Variants in STAU2 observed in about 807,000 individuals in gnomAD.
STAU2 encodes staufen double-stranded RNA binding protein 2.
Under a neutral mutation model 65.9 loss-of-function variants are expected in STAU2, and 20 were observed. That is an observed-to-expected ratio of 0.30 (90% CI 0.21 to 0.44). STAU2 has a LOEUF of 0.44. Among genes scored for constraint, STAU2 ranks in the 20% least tolerant of loss-of-function variants. The pLI is 1.00. For missense variants in STAU2, 558 were observed against 683.9 expected, an observed-to-expected ratio of 0.82 and a Z score of 2.05; for synonymous variants, 232 against 233.9, an observed-to-expected ratio of 0.99 and a Z score of 0.07.
chr8:73,680,652 G>A (rs1352130546), intron 5 of STAU2, among the ~76,000 whole-genome samples: 1 of 152,038 alleles, frequency 6.6e-6, no homozygotes, highest in African/African-American at 2.4e-5. Flanking sequence ...CAGTAGGTCG[G>A]TTATTAAGCA....
chr8:73,713,150 A>T (rs1821012889), intron 3 of STAU2, among the ~76,000 whole-genome samples: 1 of 152,234 alleles, frequency 6.6e-6, no homozygotes, highest in African/African-American at 2.4e-5. Flanking sequence ...AACTTTGATA[A>T]GAAACACTGG....
Position 73,541,159 on chromosome 8 carries a change from C to T in STAU2, c.1530+10853G>A, listed in dbSNP as rs569084905. 7.9e-5 allele frequency among the ~76,000 whole-genome samples: 12 copies of T among 152,218 alleles called. No homozygotes were observed. The South Asian group carries it at 8.3e-4, about 11-fold the overall frequency. ...TCTGAATGCAGCTCAAATGATTGAA[C>T]GCTAAAGCTTTATAGGCCTGTAGTA... On this transcript the variant is annotated intron_variant, in intron 13 of 14. Transcript: ENST00000524300.
chr8:73,650,038 C>T (rs759719025), intron 6 of STAU2, among the ~76,000 whole-genome samples: 16 of 151,374 alleles, frequency 1.1e-4, no homozygotes, highest in South Asian at 2.1e-4. Flanking sequence ...TTAAGTAAAT[C>T]GCAGATTTTA....
chr8:73,515,287 T>C (rs1236665517), intron 13 of STAU2, among the ~76,000 whole-genome samples: 1 of 152,206 alleles, frequency 6.6e-6, no homozygotes, highest in Admixed American at 6.5e-5. Context: ...GTAGCAGCTA[T>C]TTGCCATGTG....
At chr8:73,705,734 T>C (rs1168881998) in intron 4 of STAU2, among the ~76,000 whole-genome samples, 1 of 152,196 alleles carries the variant, frequency 6.6e-6, no homozygotes, top group Non-Finnish European at 1.5e-5. Flanking sequence ...AAATAATTAT[T>C]ATTTTAATAG....
At chr8:73,555,705 C>T (rs1807702424) in intron 12 of STAU2, among the ~76,000 whole-genome samples, 1 of 152,142 alleles carries the variant, frequency 6.6e-6, no homozygotes, top group African/African-American at 2.4e-5. Context: ...TTTAAGTATA[C>T]TGGAATATGT....
At chr8:73,698,505 A>G (rs975686025) in intron 4 of STAU2, among the ~76,000 whole-genome samples, 2 of 152,196 alleles carry the variant, frequency 1.3e-5, no homozygotes, top group Admixed American at 6.5e-5. Context: ...AGCTATACTC[A>G]TATCAGAAAA....
rs142797442 is a variant in STAU2 at position 73,685,952 on chromosome 8, T to C, written c.274+2702A>G. The stretch of plus-strand genomic sequence containing the variant: ...ATAAAGAAAATGTGGTGTACATATA[T>C]ACCATAGAATACTACTCAGCCATAA... On this transcript the variant is annotated intron_variant, in intron 5 of 14. Coordinates refer to ENST00000524300, the MANE Select transcript of STAU2 (RefSeq NM_001164380.2). Among the ~76,000 whole-genome samples the C allele has an allele frequency of 2.0e-4, 31 of 152,284 alleles. No homozygotes were observed. In the East Asian group the frequency reaches 5.8e-3, roughly 28 times the overall value.
rs1814148521 is a variant in STAU2 at position 73,632,224 on chromosome 8, T to A, written c.411-14773A>T. Among the ~76,000 whole-genome samples, 4 of 152,164 alleles carry A rather than the reference T, an allele frequency of 2.6e-5. No homozygotes were observed. The South Asian group carries it at 8.3e-4, about 32-fold the overall frequency. On this transcript the variant is annotated intron_variant, in intron 6 of 14. Coordinates refer to ENST00000524300, the MANE Select transcript of STAU2 (RefSeq NM_001164380.2). ...AATATAAGATAGTTTTATTTCCATT[T>A]TAAAATGAGTATGTAAACAACTATT...
chr8:73,568,747 T>C (rs1428151454), intron 12 of STAU2, among the ~76,000 whole-genome samples: 3 of 152,210 alleles, frequency 2.0e-5, no homozygotes, highest in Non-Finnish European at 4.4e-5. Context: ...GGAATAAAGT[T>C]GGGTCCATAC....
At chr8:73,600,306 G>A (rs908820959) in intron 10 of STAU2, among the ~76,000 whole-genome samples, 1 of 152,140 alleles carries the variant, frequency 6.6e-6, no homozygotes, top group Non-Finnish European at 1.5e-5. Flanking sequence ...ATCACAAATT[G>A]CATAGTTTAA....
chr8:73,702,111 G>A (rs1287433288), intron 4 of STAU2, among the ~76,000 whole-genome samples: 1 of 152,034 alleles, frequency 6.6e-6, no homozygotes, highest in Non-Finnish European at 1.5e-5. Context: ...GGGATGGGAA[G>A]ATGGTTAATG....
intron 13 of STAU2, among the ~76,000 whole-genome samples, chr8:73,443,219 T>C (rs947051720): frequency 6.6e-6 from 1 of 152,190 alleles, no homozygotes; most frequent in Non-Finnish European, 1.5e-5. Context: ...ATTAAAAAGC[T>C]GCCTCTTTGG....
intron 6 of STAU2, among the ~76,000 whole-genome samples, chr8:73,661,546 T>A (rs905293063): frequency 3.3e-5 from 5 of 152,150 alleles, no homozygotes; most frequent in African/African-American, 1.2e-4. Flanking sequence ...ATCACCAAAA[T>A]GAAAATACAG....
intron 13 of STAU2, among the ~76,000 whole-genome samples, chr8:73,424,436 G>A (rs556604373): frequency 6.6e-6 from 1 of 151,978 alleles, no homozygotes; most frequent in Non-Finnish European, 1.5e-5. Context: ...CCTGACCTCG[G>A]GTGATCCACC....
intron 5 of STAU2, among the ~76,000 whole-genome samples, chr8:73,678,021 C>G (rs1818134693): frequency 6.6e-6 from 1 of 152,116 alleles, no homozygotes; most frequent in Non-Finnish European, 1.5e-5. Flanking sequence ...ACATTATATG[C>G]CTTAGACAGC....
intron 6 of STAU2, among the ~76,000 whole-genome samples, chr8:73,622,145 T>TTTTTTTTA (rs1403757136): frequency 1.5e-5 from 1 of 65,024 alleles, no homozygotes; most frequent in Non-Finnish European, 2.6e-5. Flanking sequence ...TTTTTTTTTT[T>TTTTTTTTA]GAGACGGAGT....
At chr8:73,665,948 A>G (rs1817207596) in intron 6 of STAU2, among the ~76,000 whole-genome samples, 1 of 152,224 alleles carries the variant, frequency 6.6e-6, no homozygotes, top group Non-Finnish European at 1.5e-5. Flanking sequence ...CTATGAAAAT[A>G]GTAGTTACAC....
intron 6 of STAU2, among the ~76,000 whole-genome samples, chr8:73,661,531 T>TAACAATCACTAA (rs1452952661): frequency 2.6e-5 from 4 of 152,198 alleles, no homozygotes; most frequent in Non-Finnish European, 4.4e-5. Context: ...ACACTCATAT[T>TAACAATCACTAA]AACAATCACC....
Sources: allele counts gnomAD v4.1 joint callset (sites outside exome capture counted in the v4.1 genomes callset), GRCh38; gene constraint gnomAD v4.1.1; transcripts MANE v1.5; gene names NCBI Gene and HGNC (gene_info 2026-07-23, HGNC 2026-07-21).